NECAP1: variants seen among roughly 807,000 people sequenced by gnomAD.
NECAP1 encodes the protein NECAP endocytosis associated 1.
NECAP1 carries 13 observed loss-of-function variants against 33.4 expected under a neutral mutation model. The ratio of observed to expected loss-of-function variants is 0.39; its 90% CI spans 0.25 to 0.62. The LOEUF (loss-of-function observed/expected upper bound fraction) is 0.62, where lower values mean the gene tolerates loss of function less well. NECAP1 is among the 20% of genes least tolerant of loss of function. The pLI, the probability that NECAP1 is intolerant of heterozygous loss-of-function variation, is 0.52. For missense variants in NECAP1, 272 were observed against 347.4 expected (o/e 0.78, Z 1.73); for synonymous variants, 109 against 125.2 (o/e 0.87, Z 0.86).
Position 8,096,841 on chromosome 12 carries a change from G to A in NECAP1, c.*751G>A, listed in dbSNP as rs1206810954. The A allele has an allele frequency of 6.5e-6, 1 of 152,688 alleles. No homozygotes were observed. 9.5% of individuals were successfully genotyped at this position (152,688 alleles called of 1,614,324 possible). On this transcript the variant is annotated 3_prime_UTR_variant, in exon 8 of 8. Coordinates refer to ENST00000339754, the MANE Select transcript of NECAP1 (RefSeq NM_015509.4). ...TATCTGTAATGAAGGAGGTTCAAGA[G>A]GCTGTGCTTTCCAAGTGATAGTCTA...
rs1401337879 is a variant in NECAP1, at chr12:8,082,300, G to A, written c.12G>A (p.Glu4=). MAT[E]LEYESVLCVK... ...ACAGCGGACCCAAGATGGCGACCGA[G>A]TTGGAGTACGAGTCTGTGCTGTGTG... The change falls in exon 1 of 8, where the codon GAG becomes GAA. Residue 4 remains glutamate (E), a synonymous_variant. Coordinates refer to ENST00000339754, the MANE Select transcript of NECAP1 (RefSeq NM_015509.4). 1 of 1,596,764 alleles carries A rather than the reference G, an allele frequency of 6.3e-7. No individual in the cohort carries two copies. The highest frequency in any genetic ancestry group is 1.3e-5 in the African/African-American group (1 of 74,674).
At chr12:8,092,307 T>C in intron 4 of NECAP1, 1 of 259,310 alleles carries the variant, frequency 3.9e-6, no homozygotes, top group Non-Finnish European at 7.4e-6. Flanking sequence ...ATATCTCTCC[T>C]TTTCTGCCTT....
Position 8,096,196 on chromosome 12 carries a change from T to TG in NECAP1, c.*107dup. On this transcript the variant is annotated 3_prime_UTR_variant, in exon 8 of 8. Coordinates refer to ENST00000339754, the MANE Select transcript of NECAP1 (RefSeq NM_015509.4). Reference sequence around the variant, plus strand: ...ACCCATTTCCTCCCCAGAACCAGAATGACTGGACAATCTTTTTCATAGCTT... The same window carrying TG: ...ACCCATTTCCTCCCCAGAACCAGAATGGACTGGACAATCTTTTTCATAGCTT... The TG allele has an allele frequency of 1.8e-6, 2 of 1,134,122 alleles. No homozygotes were observed. Among genetic ancestry groups the TG allele is most frequent in the Non-Finnish European group, 2.6e-6 (2 of 783,492 alleles). The allele number at this position is 1,134,122 out of a possible 1,614,324, so 70.3% of individuals were successfully genotyped here.
Sources: gnomAD v4.1 joint callset for allele counts on GRCh38, gnomAD v4.1.1 for gene constraint, MANE v1.5 for transcripts, NCBI Gene and HGNC (gene_info 2026-07-23, HGNC 2026-07-21) for gene names.